The following RORC variants were observed in gnomAD, a reference collection of about 807,000 sequenced individuals.
The protein encoded by RORC is nuclear receptor ROR-gamma.
RORC carries 13 observed loss-of-function variants against 64.5 expected under a neutral mutation model. The ratio of observed to expected loss-of-function variants is 0.20; its 90% confidence interval spans 0.13 to 0.32. RORC has a LOEUF of 0.32. Among genes scored for constraint, RORC ranks in the 10% least tolerant of loss-of-function variants. RORC has a pLI of 1.00. For missense variants in RORC, 468 were observed against 669.5 expected (o/e 0.70, Z 3.32); for synonymous variants, 277 against 259.3 (o/e 1.07, Z -0.65).
chr1:151,814,268 T>G, intron 6 of RORC: 1 of 290,132 alleles, frequency 3.4e-6, no homozygotes, highest in Non-Finnish European at 6.5e-6. Flanking sequence ...GTTCTGATTA[T>G]TGTTATTGTT....
intron 6 of RORC, chr1:151,814,161 C>T (rs536099603): frequency 5.5e-6 from 1 of 180,238 alleles, no homozygotes; most frequent in East Asian, 1.5e-4. Context: ...AAATGCCACC[C>T]TCATAGGTTG....
In RORC at chr1:151,814,564, C is replaced by T. The variant is rs1466228890; in HGVS notation, c.933+10G>A. ...GATACGTTCCCTTCCTGCAGGTCTC[C>T]TGGCCTCACCTTCCTCTGGTAGCCA... On this transcript the variant is annotated intron_variant, in intron 6 of 10. Coordinates refer to ENST00000318247, the MANE Select transcript of RORC (RefSeq NM_005060.4). 3 of 1,608,356 alleles carry T rather than the reference C, an allele frequency of 1.9e-6. No homozygotes were observed. The African/African-American group carries it at 4.0e-5, about 21-fold the overall frequency.
chr1:151,830,815 C>CAA lies in RORC; in HGVS notation c.40+909_40+910insTT. The CAA allele has an allele frequency of 2.3e-6, 1 of 437,534 alleles. No individual in the cohort carries two copies. Among genetic ancestry groups the CAA allele is most frequent in the Non-Finnish European group, 3.9e-6 (1 of 254,362 alleles). 27.1% of individuals were successfully genotyped at this position (437,534 alleles called of 1,614,324 possible). A position where few individuals can be genotyped will look rare whatever the true frequency, so the allele number is the denominator to read the frequency against. On this transcript the variant is annotated intron_variant, in intron 1 of 10. Coordinates refer to ENST00000318247, the MANE Select transcript of RORC (RefSeq NM_005060.4). The surrounding 1 kb of genome is among the most constrained non-coding windows in gnomAD (Gnocchi z 4.0). ...AGGCCCCACCCAGCCCCGCCCACCT[C>CAA]CCCTTGCTCCTGCCTGGCCCCACCC...
intron 6 of RORC, 172 bp from the exon 7 acceptor site, chr1:151,813,792 A>T: frequency 7.2e-6 from 5 of 698,212 alleles, no homozygotes; most frequent in Non-Finnish European, 1.2e-5. Context: ...CCTGCCAGTG[A>T]GTCCCACACA....
At chr1:151,817,054 A>G in intron 3 of RORC, 141 bp downstream of exon 3, 1 of 760,242 alleles carries the variant, frequency 1.3e-6, no homozygotes, top group Non-Finnish European at 2.1e-6. Flanking sequence ...TGCCCAGGAG[A>G]TCATCCCTGG....
At position 151,831,718 on chromosome 1, in the gene RORC, C is replaced by T. The variant is rs1652424965; in HGVS notation, c.40+7G>A. ...TCCACCTGCAGGCAGGGCCATGGGC[C>T]TCTTACCCCGTGAGGCTCGGTGCTG... On this transcript the variant is annotated splice_region_variant and intron_variant, in intron 1 of 10. Coordinates refer to ENST00000318247, the MANE Select transcript of RORC (RefSeq NM_005060.4). 1.2e-6 allele frequency: 2 copies of T among 1,610,988 alleles called. No homozygotes were observed. Among genetic ancestry groups the T allele is most frequent in the Admixed American group, 3.3e-5 (2 of 59,992 alleles).
chr1:151,824,366 C>T (rs1652110193), intron 2 of RORC, among the ~76,000 whole-genome samples: 1 of 152,204 alleles, frequency 6.6e-6, no homozygotes, highest in African/African-American at 2.4e-5. Context: ...CTGGGGACTC[C>T]TGCCCCGCTG....
intron 2 of RORC, among the ~76,000 whole-genome samples, chr1:151,823,573 CT>C (rs1424934660): frequency 6.6e-6 from 1 of 152,206 alleles, no homozygotes; most frequent in Non-Finnish European, 1.5e-5. Context: ...CTCTCCGCCT[CT>C]CCCTGTGTCT....
intron 2 of RORC, among the ~76,000 whole-genome samples, chr1:151,819,967 C>A (rs1651922390): frequency 6.6e-6 from 1 of 152,170 alleles, no homozygotes. Context: ...CCTAGCCTCA[C>A]TGAGCTGGAG....
chr1:151,817,314 G>A (rs200049152), intron 2 of RORC, 34 bp from the exon 3 acceptor site: 16 of 1,530,404 alleles, frequency 1.0e-5, no homozygotes, highest in Non-Finnish European at 1.4e-5. Flanking sequence ...GTCAGCCCAG[G>A]AGGCTTTTCT....
Position 151,817,199 on chromosome 1 carries a change from C to T in RORC, c.152G>A (p.Cys51Tyr). Reference sequence around the variant, plus strand: ...ATACACATGCCTATGACTCACCTTGCACCCCTCACAGGTGATAACCCCGTA... The same window carrying T: ...ATACACATGCCTATGACTCACCTTGTACCCCTCACAGGTGATAACCCCGTA... The part of the protein sequence containing the change: ...IHYGVITCEG[C>Y]KGFFRRSQRC... Residue 51 changes from cysteine to tyrosine, a missense_variant, in exon 3 of 11, where the codon TGC (cysteine) becomes TAC (tyrosine). By Grantham distance (194) the Cys-to-Tyr change is radical. Coordinates refer to ENST00000318247, the MANE Select transcript of RORC (RefSeq NM_005060.4). 1 of 1,612,602 alleles carries T rather than the reference C, an allele frequency of 6.2e-7. No individual in the cohort carries two copies. Among genetic ancestry groups the T allele is most frequent in the East Asian group, 2.2e-5 (1 of 44,852 alleles).
chr1:151,818,565 A>G (rs1651862435), intron 2 of RORC, among the ~76,000 whole-genome samples: 1 of 152,112 alleles, frequency 6.6e-6, no homozygotes, highest in Non-Finnish European at 1.5e-5. Context: ...AGCTGGGCAA[A>G]GCTTGGGATC....
intron 2 of RORC, chr1:151,826,185 C>T (rs988435727): frequency 2.1e-6 from 2 of 949,902 alleles, no homozygotes; most frequent in South Asian, 4.2e-5. Context: ...ATGACAGGCG[C>T]CCCACGTGGC....
intron 2 of RORC, among the ~76,000 whole-genome samples, chr1:151,821,908 C>T (rs1482786369): frequency 6.6e-6 from 1 of 152,168 alleles, no homozygotes; most frequent in African/African-American, 2.4e-5. Context: ...AACTCTTCCT[C>T]TGAGGTCCCA....
At chr1:151,822,379 C>T (rs1014949250) in intron 2 of RORC, among the ~76,000 whole-genome samples, 2 of 152,210 alleles carry the variant, frequency 1.3e-5, no homozygotes, top group African/African-American at 2.4e-5. Context: ...GGGCCCTCAC[C>T]GCAGCTCCTG....
At chr1:151,825,695 T>C (rs1389467614) in intron 2 of RORC, among the ~76,000 whole-genome samples, 1 of 152,164 alleles carries the variant, frequency 6.6e-6, no homozygotes, top group African/African-American at 2.4e-5. Context: ...TTGGAGGTTC[T>C]TTTTGGAACT....
rs529684150 is a variant in RORC, at chr1:151,815,112, G to A, written c.612C>T (p.Tyr204=). Residue 204 remains tyrosine (Y), a synonymous_variant, in exon 5 of 11, where the codon TAC becomes TAT. Transcript: ENST00000318247. Reference sequence around the variant, plus strand: ...CCTCAGCCTTGCCCCGCTCAGGGCTGTATTCAAGGTGGCATGAGGCCCCAT... The same window carrying A: ...CCTCAGCCTTGCCCCGCTCAGGGCTATATTCAAGGTGGCATGAGGCCCCAT... ...GLNGASCHLE[Y]SPERGKAEGR... is the part of the protein sequence containing the mutation. The A allele has an allele frequency of 9.9e-6, 16 of 1,614,226 alleles. No homozygotes were observed. In the African/African-American group the frequency reaches 2.0e-4, roughly 20 times the overall value.
rs1239734508 is a variant in RORC at position 151,830,124 on chromosome 1, G to A, written c.41-666C>T. Among the ~76,000 whole-genome samples the A allele has an allele frequency of 1.3e-5, 2 of 152,154 alleles. No individual in the cohort carries two copies. Among genetic ancestry groups the A allele is most frequent in the African/African-American group, 2.4e-5 (1 of 41,422 alleles). ...GGGGTTGGGAGTAGGGGGAGAGGAT[G>A]TTTGGAGGAAGAGGAGGGGAGAGTT... On this transcript the variant is annotated intron_variant, in intron 1 of 10. Transcript: ENST00000318247. This position sits in a 1 kb window ranked among gnomAD's most constrained non-coding sequence, Gnocchi z 4.0.
chr1:151,826,194 G>A, intron 2 of RORC: 3 of 817,480 alleles, frequency 3.7e-6, no homozygotes, highest in Non-Finnish European at 4.9e-6. Flanking sequence ...GCCCCACGTG[G>A]CCAATCTGGG....
Sources: allele counts gnomAD v4.1 joint callset (sites outside exome capture counted in the v4.1 genomes callset), GRCh38; gene constraint gnomAD v4.1.1; non-coding constraint Gnocchi (gnomAD v3.1); transcripts MANE v1.5; gene names NCBI Gene and HGNC (gene_info 2026-07-23, HGNC 2026-07-21).